Variants in IL1RAPL1 observed in about 807,000 individuals in gnomAD.
IL1RAPL1 encodes interleukin 1 receptor accessory protein like 1, also known as interleukin-1 receptor accessory protein-like 1.
In IL1RAPL1, 3 loss-of-function variants were observed where a neutral mutation model predicts 48.4. That is an observed-to-expected ratio of 0.06 (90% CI 0.03 to 0.16). The LOEUF (loss-of-function observed/expected upper bound fraction) is 0.16. Ranked by LOEUF, IL1RAPL1 falls within the 10% of genes least tolerant of loss-of-function variation. IL1RAPL1 has a pLI of 1.00. For synonymous variants in IL1RAPL1, 185 were observed against 187.7 expected, an observed-to-expected ratio of 0.99 and a Z score of 0.12; for missense variants, 349 against 530.6, an observed-to-expected ratio of 0.66 and a Z score of 3.36.
At chrX:29,239,438 C>A (rs894572349) in intron 2 of IL1RAPL1, among the ~76,000 whole-genome samples, 1 of 112,198 alleles carries the variant, frequency 8.9e-6, no homozygotes, top group Non-Finnish European at 1.9e-5. Flanking sequence ...AAGTAGTGTG[C>A]ATTAGATTTT....
At chrX:28,965,188 T>C (rs1002197798) in intron 2 of IL1RAPL1, among the ~76,000 whole-genome samples, 1 of 111,715 alleles carries the variant, frequency 9.0e-6, no homozygotes, top group African/African-American at 3.2e-5. Flanking sequence ...ACTTCAAATT[T>C]CTCTTTTAAA....
intron 2 of IL1RAPL1, among the ~76,000 whole-genome samples, chrX:29,127,135 G>C (rs1292598785): frequency 9.0e-6 from 1 of 110,927 alleles, no homozygotes; most frequent in Non-Finnish European, 1.9e-5. Flanking sequence ...GGTGGTGGTG[G>C]TGGTGGTTTT....
chrX:29,880,792 G>A (rs1054207617), intron 6 of IL1RAPL1, among the ~76,000 whole-genome samples: 1 of 111,154 alleles, frequency 9.0e-6, no homozygotes, highest in African/African-American at 3.3e-5. Flanking sequence ...TGCTGAAGGA[G>A]TTTTTAAAGA....
chrX:29,515,896 G>A (rs1340882107), intron 5 of IL1RAPL1, among the ~76,000 whole-genome samples: 2 of 111,455 alleles, frequency 1.8e-5, no homozygotes, highest in Non-Finnish European at 3.8e-5. Context: ...ATGTTGCCCA[G>A]GCTGGTCTTG....
intron 6 of IL1RAPL1, among the ~76,000 whole-genome samples, chrX:29,895,752 A>C (rs766280750): frequency 8.9e-6 from 1 of 112,448 alleles, no homozygotes; most frequent in Non-Finnish European, 1.9e-5. Flanking sequence ...AAATATGACT[A>C]ATCAAATTGC....
intron 3 of IL1RAPL1, among the ~76,000 whole-genome samples, chrX:29,317,690 T>C (rs961528589): frequency 2.7e-5 from 3 of 112,367 alleles, no homozygotes; most frequent in African/African-American, 9.7e-5. Flanking sequence ...ACACATGAAA[T>C]ACAATATGTC....
At position 29,912,899 on chromosome X, in the gene IL1RAPL1, T is replaced by C. The variant is rs151256866; in HGVS notation, c.779-4565T>C. 7.5e-3 allele frequency among the ~76,000 whole-genome samples: 835 copies of C among 111,718 alleles called. 9 individuals carry two copies. Among genetic ancestry groups the C allele is most frequent in the African/African-American group, 0.026 (794 of 30,769 alleles). On this transcript the variant is annotated intron_variant, in intron 6 of 10. Coordinates refer to ENST00000378993, the MANE Select transcript of IL1RAPL1 (RefSeq NM_014271.4). ...TTTGCCCTTATTTGGTGGACATACA[T>C]CACTTATTCCTAAGCTCCACCCTGC...
intron 6 of IL1RAPL1, among the ~76,000 whole-genome samples, chrX:29,711,069 TACACACACACACACACACACA>T: frequency 1.2e-5 from 1 of 86,437 alleles, no homozygotes; most frequent in South Asian, 7.1e-4. Context: ...TGTGTGTGTA[TACACACACACACACACACACA>T]GATATATATT....
At chrX:29,239,269 T>A (rs778240084) in intron 2 of IL1RAPL1, among the ~76,000 whole-genome samples, 24 of 112,441 alleles carry the variant, frequency 2.1e-4, no homozygotes, top group African/African-American at 7.7e-4. Context: ...AAAAGTGCAA[T>A]ACATGTCTTC....
chrX:29,167,098 A>G (rs1019722218), intron 2 of IL1RAPL1, among the ~76,000 whole-genome samples: 3 of 111,831 alleles, frequency 2.7e-5, no homozygotes, highest in African/African-American at 9.7e-5. Flanking sequence ...ATAAGGCCGT[A>G]TGTTCTTTGT....
chrX:29,717,520 C>T (rs1298365448), intron 6 of IL1RAPL1, among the ~76,000 whole-genome samples: 2 of 112,347 alleles, frequency 1.8e-5, no homozygotes, highest in Non-Finnish European at 3.8e-5. Context: ...TAATTCTGCA[C>T]TTTAGCCACC....
intron 6 of IL1RAPL1, among the ~76,000 whole-genome samples, chrX:29,704,822 GTCTTA>G (rs1178035261): frequency 8.9e-6 from 1 of 111,823 alleles, no homozygotes; most frequent in Non-Finnish European, 1.9e-5. Flanking sequence ...ATATTACATT[GTCTTA>G]TCTTCTTTGA....
intron 1 of IL1RAPL1, among the ~76,000 whole-genome samples, chrX:28,651,187 C>A (rs757617105): frequency 8.9e-6 from 1 of 112,205 alleles, no homozygotes; most frequent in East Asian, 2.8e-4. Flanking sequence ...TATGTAAATG[C>A]AAATATTCAA....
intron 5 of IL1RAPL1, among the ~76,000 whole-genome samples, chrX:29,654,365 A>G (rs746518873): frequency 8.1e-4 from 91 of 111,962 alleles, no homozygotes; most frequent in Non-Finnish European, 1.3e-3. Flanking sequence ...GTCTGTTCTC[A>G]TGCTGCTAAT....
intron 2 of IL1RAPL1, among the ~76,000 whole-genome samples, chrX:28,981,505 C>T (rs1406651999): frequency 9.0e-6 from 1 of 111,695 alleles, no homozygotes; most frequent in African/African-American, 3.3e-5. Flanking sequence ...TATATTAAGG[C>T]ATTAAAAATG....
intron 2 of IL1RAPL1, among the ~76,000 whole-genome samples, chrX:29,148,583 G>T (rs1250416266): frequency 8.9e-6 from 1 of 111,759 alleles, no homozygotes; most frequent in African/African-American, 3.2e-5. Flanking sequence ...TGTTTTTGAG[G>T]AATATTCTTT....
intron 6 of IL1RAPL1, among the ~76,000 whole-genome samples, chrX:29,837,255 T>G: frequency 3.1e-5 from 1 of 32,302 alleles, no homozygotes; most frequent in Non-Finnish European, 4.7e-5. Context: ...AGAGACTGCA[T>G]CTCAAAAAAA....
In IL1RAPL1 at chrX:29,779,935, AGTTT is replaced by A. The variant is rs912044215; in HGVS notation, c.778+111436_778+111439del. Among the ~76,000 whole-genome samples, 6 of 111,590 alleles carry A rather than the reference AGTTT, an allele frequency of 5.4e-5. No individual in the cohort carries two copies. In the Admixed American group the frequency reaches 5.7e-4, roughly 11 times the overall value. ...AGATGATGAACAGCTTTGTTGGAATAGTTTGTTTAGTTCCTAGGAGAAAGTTTGA... is the reference window on the plus strand; with the variant it reads ...AGATGATGAACAGCTTTGTTGGAATAGTTTAGTTCCTAGGAGAAAGTTTGA... On this transcript the variant is annotated intron_variant, in intron 6 of 10. Coordinates refer to ENST00000378993, the MANE Select transcript of IL1RAPL1 (RefSeq NM_014271.4).
intron 2 of IL1RAPL1, among the ~76,000 whole-genome samples, chrX:28,898,335 C>T (rs1755126780): frequency 8.9e-6 from 1 of 111,770 alleles, no homozygotes; most frequent in Admixed American, 9.5e-5. Flanking sequence ...GTAAGTCTGC[C>T]TAACTTAAGA....
Sources: gnomAD v4.1 joint callset for allele counts (sites outside exome capture counted in the v4.1 genomes callset) on GRCh38, gnomAD v4.1.1 for gene constraint, MANE v1.5 for transcripts, NCBI Gene and HGNC (gene_info 2026-07-23, HGNC 2026-07-21) for gene names.